The following RABGAP1L variants were observed in gnomAD, a reference collection of about 807,000 sequenced individuals.
RABGAP1L encodes RAB GTPase activating protein 1 like, also known as rab GTPase-activating protein 1-like.
A neutral mutation model predicts 137.7 loss-of-function variants in RABGAP1L; 63 were observed. The observed-to-expected ratio is 0.46, with a 90% CI of 0.37 to 0.56. The LOEUF is 0.56. Among genes scored for constraint, RABGAP1L ranks in the 20% least tolerant of loss-of-function variants. RABGAP1L has a pLI of 0.00. For missense variants in RABGAP1L, 1,095 were observed against 1,244.0 expected, an observed-to-expected ratio of 0.88 and a Z score of 1.80; for synonymous variants, 431 against 433.7, an observed-to-expected ratio of 0.99 and a Z score of 0.08.
At chr1:174,595,570 A>G (rs1557878976) in intron 13 of RABGAP1L, among the ~76,000 whole-genome samples, 2 of 144,330 alleles carry the variant, frequency 1.4e-5, no homozygotes, top group African/African-American at 5.2e-5. Flanking sequence ...TTTTCCTTCT[A>G]ACAGACAGGA....
intron 1 of RABGAP1L, among the ~76,000 whole-genome samples, chr1:174,172,936 A>G (rs1180190626): frequency 6.6e-6 from 1 of 152,126 alleles, no homozygotes; most frequent in South Asian, 2.1e-4. Flanking sequence ...AGGCCGAACA[A>G]TATCAGGGAG....
intron 14 of RABGAP1L, among the ~76,000 whole-genome samples, chr1:174,654,881 A>G (rs756153254): frequency 1.3e-5 from 2 of 152,164 alleles, no homozygotes; most frequent in Admixed American, 1.3e-4. Context: ...ATCTATTTTT[A>G]GAGCTTATGT....
At chr1:174,660,492 C>T (rs979321782) in intron 14 of RABGAP1L, among the ~76,000 whole-genome samples, 1 of 152,186 alleles carries the variant, frequency 6.6e-6, no homozygotes, top group Non-Finnish European at 1.5e-5. Context: ...TTATTTCTTG[C>T]CACTTCACTG....
At chr1:174,664,734 CTTTTTTTTTTT>C (rs71701825) in intron 14 of RABGAP1L, among the ~76,000 whole-genome samples, 2 of 97,580 alleles carry the variant, frequency 2.0e-5, no homozygotes, top group African/African-American at 5.2e-5. Flanking sequence ...TTTCTGCTTT[CTTTTTTTTTTT>C]TTTTTTTTTT....
At chr1:174,393,865 A>C (rs1303554950) in intron 12 of RABGAP1L, 130 bp from the exon 13 acceptor site, 2 of 944,418 alleles carry the variant, frequency 2.1e-6, no homozygotes, top group African/African-American at 1.7e-5. Flanking sequence ...CTATTGTTTA[A>C]TGCCCCCCCA....
intron 18 of RABGAP1L, among the ~76,000 whole-genome samples, chr1:174,807,636 G>A (rs1232499994): frequency 6.6e-6 from 1 of 152,132 alleles, no homozygotes; most frequent in Non-Finnish European, 1.5e-5. Flanking sequence ...AATCAAAGTA[G>A]GACTAACTAC....
intron 12 of RABGAP1L, among the ~76,000 whole-genome samples, chr1:174,383,816 G>A (rs914874650): frequency 6.6e-6 from 1 of 151,250 alleles, no homozygotes; most frequent in African/African-American, 2.4e-5. Flanking sequence ...GCTCCTCCTC[G>A]CAACTGCAAC....
At chr1:174,706,137 T>C (rs952728887) in intron 17 of RABGAP1L, among the ~76,000 whole-genome samples, 2 of 152,324 alleles carry the variant, frequency 1.3e-5, no homozygotes, top group South Asian at 4.1e-4. Context: ...CTAAGCTATA[T>C]TATTTTAAAG....
At chr1:174,352,104 G>A (rs1010368344) in intron 11 of RABGAP1L, among the ~76,000 whole-genome samples, 5 of 152,116 alleles carry the variant, frequency 3.3e-5, no homozygotes, top group Admixed American at 6.5e-5. Context: ...CACCACGCCC[G>A]GCCGGGAAGT....
chr1:174,492,645 T>C (rs1199466519), intron 13 of RABGAP1L, among the ~76,000 whole-genome samples: 2 of 152,084 alleles, frequency 1.3e-5, no homozygotes, highest in Admixed American at 1.3e-4. Context: ...CCACCGTGCC[T>C]GGTCTACTTT....
intron 13 of RABGAP1L, among the ~76,000 whole-genome samples, chr1:174,603,361 A>AG (rs1670554042): frequency 6.6e-6 from 1 of 152,140 alleles, no homozygotes; most frequent in Admixed American, 6.5e-5. Context: ...GGGTGACACA[A>AG]GCACCTGGTG....
In RABGAP1L at chr1:174,504,237, T is replaced by C. The variant is rs565014922; in HGVS notation, c.1710+110092T>C. 1.2e-4 allele frequency among the ~76,000 whole-genome samples: 19 copies of C among 152,046 alleles called. 2 individuals carry two copies. The highest frequency in any genetic ancestry group is 4.6e-4 in the African/African-American group (19 of 41,512). On this transcript the variant is annotated intron_variant, in intron 13 of 25. Coordinates refer to ENST00000681986, the MANE Select transcript of RABGAP1L (RefSeq NM_001366446.1). ...ATGTGCCCACCTTGGCCTCCCAAAG[T>C]GCTAGGATTACAGGCATGAGCCAGC...
At chr1:174,616,574 T>G (rs1671898563) in intron 13 of RABGAP1L, among the ~76,000 whole-genome samples, 1 of 152,076 alleles carries the variant, frequency 6.6e-6, no homozygotes, top group African/African-American at 2.4e-5. Flanking sequence ...ACTAGTTAAT[T>G]AAAATAGCAG....
At chr1:174,793,701 CT>C (rs369193289) in intron 18 of RABGAP1L, among the ~76,000 whole-genome samples, 2,343 of 148,758 alleles carry the variant, frequency 0.016, 43 homozygotes, top group African/African-American at 0.056. Context: ...AAAATCAAGA[CT>C]TTTTTTTTTT....
chr1:174,892,156 TC>T (rs1217352398), intron 19 of RABGAP1L, among the ~76,000 whole-genome samples: 1 of 152,198 alleles, frequency 6.6e-6, no homozygotes, highest in African/African-American at 2.4e-5. Flanking sequence ...GCGTGGTGGC[TC>T]TGGCCAGCTC....
At chr1:174,969,138 C>T (rs1669917000) in intron 20 of RABGAP1L, 139 bp from the exon 21 acceptor site, 2 of 646,820 alleles carry the variant, frequency 3.1e-6, no homozygotes, top group Non-Finnish European at 5.5e-6. Flanking sequence ...GACAGCAATC[C>T]TGCCTTCCTG....
At chr1:174,679,980 A>G (rs746257467) in intron 14 of RABGAP1L, among the ~76,000 whole-genome samples, 16 of 152,358 alleles carry the variant, frequency 1.1e-4, no homozygotes, top group Non-Finnish European at 2.4e-4. Flanking sequence ...AAAAACTTCT[A>G]AAGAAAACAT....
intron 14 of RABGAP1L, among the ~76,000 whole-genome samples, chr1:174,675,109 A>T (rs1677510916): frequency 1.3e-5 from 2 of 151,912 alleles, no homozygotes; most frequent in Admixed American, 1.3e-4. Context: ...CCCATTTGTC[A>T]ATTTTGGCTT....
At chr1:174,514,399 T>G (rs932303613) in intron 13 of RABGAP1L, among the ~76,000 whole-genome samples, 1 of 152,082 alleles carries the variant, frequency 6.6e-6, no homozygotes, top group Non-Finnish European at 1.5e-5. Flanking sequence ...AGCCATAGAC[T>G]AGTTCCTCAA....
Sources: allele counts gnomAD v4.1 joint callset (sites outside exome capture counted in the v4.1 genomes callset), GRCh38; gene constraint gnomAD v4.1.1; transcripts MANE v1.5; gene names NCBI Gene and HGNC (gene_info 2026-07-23, HGNC 2026-07-21).